Variants in NRG4 observed in about 807,000 individuals in gnomAD.
NRG4 encodes pro-neuregulin-4, membrane-bound isoform.
A neutral mutation model predicts 15.0 loss-of-function variants in NRG4; 10 were observed. The observed-to-expected ratio is 0.67, with a 90% CI of 0.41 to 1.13. The LOEUF is 1.13. Ranked by LOEUF, NRG4 falls within the 50% of genes most tolerant of loss-of-function variation. The pLI, the probability that NRG4 is intolerant of heterozygous loss-of-function variation, is 0.00. For synonymous variants in NRG4, 41 were observed against 50.1 expected, an observed-to-expected ratio of 0.82 and a Z score of 0.77; for missense variants, 139 against 140.2, an observed-to-expected ratio of 0.99 and a Z score of 0.04.
intron 3 of NRG4, among the ~76,000 whole-genome samples, chr15:75,982,131 A>G (rs1331474100): frequency 6.6e-6 from 1 of 152,214 alleles, no homozygotes; most frequent in East Asian, 1.9e-4. Context: ...AGAAAAGGAG[A>G]AAAATATTCA....
At chr15:75,984,774 C>T (rs1185709650) in intron 3 of NRG4, among the ~76,000 whole-genome samples, 1 of 151,994 alleles carries the variant, frequency 6.6e-6, no homozygotes, top group Non-Finnish European at 1.5e-5. Context: ...TATCCCAGAA[C>T]TTAAAGTATA....
intron 5 of NRG4, among the ~76,000 whole-genome samples, 187 bp downstream of exon 5, chr15:75,955,745 G>T (rs1445680093): frequency 7.1e-6 from 1 of 140,168 alleles, no homozygotes; most frequent in South Asian, 2.3e-4. Flanking sequence ...TGTGATTTGT[G>T]TCATACTGAT....
chr15:76,004,426 T>C (rs576337392), intron 3 of NRG4, among the ~76,000 whole-genome samples: 5 of 151,258 alleles, frequency 3.3e-5, no homozygotes, highest in African/African-American at 1.2e-4. Context: ...AATGGAGAAA[T>C]CTTGTCTCTA....
At chr15:76,025,240 C>A (rs2035277225) in intron 5 of NRG4, among the ~76,000 whole-genome samples, 1 of 151,386 alleles carries the variant, frequency 6.6e-6, no homozygotes, top group Non-Finnish European at 1.5e-5. Context: ...GAGATCGAGA[C>A]CATCCTGGCT....
At chr15:76,051,762 G>A (rs886359253) in intron 4 of NRG4, among the ~76,000 whole-genome samples, 4 of 149,508 alleles carry the variant, frequency 2.7e-5, no homozygotes, top group South Asian at 2.1e-4. Flanking sequence ...TAGTAGAGAC[G>A]GGGTTTCACC....
chr15:75,936,484 A>G (rs1325104719), downstream of NRG4: 4 of 152,252 alleles, frequency 2.6e-5, no homozygotes, highest in Non-Finnish European at 5.9e-5. Flanking sequence ...CTTCTACCCT[A>G]TGCCACAACT....
downstream of NRG4, chr15:75,935,645 AGTT>A (rs1402845262): frequency 1.3e-5 from 2 of 150,922 alleles, no homozygotes; most frequent in Admixed American, 1.3e-4. Context: ...TTCACATTAC[AGTT>A]ATCTCAGTTT....
At chr15:75,938,424 T>TTC (rs1391778207), downstream of NRG4, 1 of 152,016 alleles carries the variant, frequency 6.6e-6, no homozygotes, top group African/African-American at 2.4e-5. Flanking sequence ...ATAATGCGCA[T>TTC]TCAAAAGATC....
chr15:75,988,847 A>G (rs1595991697), intron 3 of NRG4, among the ~76,000 whole-genome samples: 1 of 134,272 alleles, frequency 7.4e-6, no homozygotes, highest in East Asian at 2.2e-4. Flanking sequence ...AGAATCCTGC[A>G]CCTTCCTTTT....
intron 3 of NRG4, 24 bp downstream of exon 3, chr15:76,009,176 C>T (rs746424775): frequency 2.8e-6 from 3 of 1,077,046 alleles, no homozygotes; most frequent in South Asian, 2.5e-5. Context: ...AAGTTAACAT[C>T]TCCCCCTAGT....
chr15:75,969,341 C>A (rs1314283559), intron 3 of NRG4: 4 of 371,074 alleles, frequency 1.1e-5, no homozygotes, highest in East Asian at 8.2e-5. Flanking sequence ...TTGCCAGCTG[C>A]CTTCCAAAGA....
At chr15:75,991,841 G>A (rs2034029676) in intron 3 of NRG4, among the ~76,000 whole-genome samples, 1 of 151,828 alleles carries the variant, frequency 6.6e-6, no homozygotes, top group African/African-American at 2.4e-5. Flanking sequence ...TACACAATCT[G>A]TCTTTAGTTG....
At chr15:76,028,607 A>C (rs2035379265) in intron 5 of NRG4, among the ~76,000 whole-genome samples, 1 of 152,112 alleles carries the variant, frequency 6.6e-6, no homozygotes, top group African/African-American at 2.4e-5. Flanking sequence ...AAAAAAAAAA[A>C]AAGTGATTCC....
At chr15:75,945,991 CT>C (rs1328313564) in intron 5 of NRG4, 2 of 152,148 alleles carry the variant, frequency 1.3e-5, no homozygotes, top group African/African-American at 4.8e-5. Context: ...TACTCCTGCA[CT>C]TTGGGGCCAT....
intron 3 of NRG4, among the ~76,000 whole-genome samples, chr15:75,963,916 C>G (rs1216548815): frequency 6.6e-6 from 1 of 151,858 alleles, no homozygotes; most frequent in African/African-American, 2.4e-5. Context: ...GCAGTCCAGC[C>G]TAGGTGACAG....
At chr15:76,038,408 G>T (rs749783791) in intron 4 of NRG4, among the ~76,000 whole-genome samples, 7 of 152,202 alleles carry the variant, frequency 4.6e-5, no homozygotes, top group Non-Finnish European at 1.0e-4. Context: ...CCCAGGCTTG[G>T]TAGCATTCAC....
chr15:76,013,704 G>C (rs1043148597), upstream of NRG4, among the ~76,000 whole-genome samples: 1 of 152,106 alleles, frequency 6.6e-6, no homozygotes, highest in Non-Finnish European at 1.5e-5. Flanking sequence ...AGTATTCCAC[G>C]GTATATATGT....
intron 3 of NRG4, among the ~76,000 whole-genome samples, chr15:75,978,017 A>G (rs2033441625): frequency 1.3e-5 from 2 of 151,986 alleles, no homozygotes; most frequent in South Asian, 4.2e-4. Flanking sequence ...GGATTTCACC[A>G]TGTTGGCCAG....
In NRG4 at chr15:76,026,898, G is replaced by A. The variant is rs1486243382; in HGVS notation, c.-57+9046C>T. 5.3e-5 allele frequency among the ~76,000 whole-genome samples: 8 copies of A among 152,194 alleles called. No homozygotes were observed. In the East Asian group the frequency reaches 1.5e-3, roughly 29 times the overall value. On this transcript the variant is annotated intron_variant, in intron 5 of 8. Coordinates refer to the NRG4 transcript ENST00000563910. Reference sequence around the variant, plus strand: ...AGCACTTTGTGAGGCCAAGGTGGGTGGATCATGAGGTCAGGAGATTGAGAC... The same window carrying A: ...AGCACTTTGTGAGGCCAAGGTGGGTAGATCATGAGGTCAGGAGATTGAGAC...
Sources: allele counts gnomAD v4.1 joint callset (sites outside exome capture counted in the v4.1 genomes callset), GRCh38; gene constraint gnomAD v4.1.1; transcripts MANE v1.5; gene names NCBI Gene and HGNC (gene_info 2026-07-23, HGNC 2026-07-21).